GABBR2: variants seen among roughly 807,000 people sequenced by gnomAD.
GABBR2 encodes the protein G-protein coupled receptor 51.
A neutral mutation model predicts 105.6 loss-of-function variants in GABBR2; 23 were observed. The ratio of observed to expected loss-of-function variants is 0.22; its 90% CI spans 0.16 to 0.31. The LOEUF (loss-of-function observed/expected upper bound fraction) is 0.31, where lower values mean the gene tolerates loss of function less well. GABBR2 is among the 10% of genes least tolerant of loss of function. The pLI is 1.00. For synonymous variants in GABBR2, 478 were observed against 499.7 expected, an observed-to-expected ratio of 0.96 and a Z score of 0.58; for missense variants, 734 against 1,245.5, an observed-to-expected ratio of 0.59 and a Z score of 6.18.
chr9:98,629,889 C>T (rs1829793846), intron 1 of GABBR2, among the ~76,000 whole-genome samples: 1 of 152,120 alleles, frequency 6.6e-6, no homozygotes, highest in Non-Finnish European at 1.5e-5. Context: ...TAATACTGCA[C>T]CGGTATTAAG....
chr9:98,366,597 A>G (rs1333623630), intron 12 of GABBR2, among the ~76,000 whole-genome samples: 1 of 152,102 alleles, frequency 6.6e-6, no homozygotes, highest in East Asian at 1.9e-4. Flanking sequence ...AAAACTTGAG[A>G]TTTTCTGACC....
At chr9:98,476,845 G>A (rs1212421941) in intron 5 of GABBR2, among the ~76,000 whole-genome samples, 1 of 152,152 alleles carries the variant, frequency 6.6e-6, no homozygotes, top group African/African-American at 2.4e-5. Context: ...CTTTTAAACT[G>A]CTATAGACTT....
chr9:98,513,599 T>C (rs1227604862), intron 3 of GABBR2, among the ~76,000 whole-genome samples: 4 of 150,138 alleles, frequency 2.7e-5, no homozygotes, highest in Admixed American at 6.6e-5. Flanking sequence ...GGGCGAAGGA[T>C]ATGAACAGAC....
chr9:98,460,619 A>C (rs1350322068), intron 6 of GABBR2, among the ~76,000 whole-genome samples: 3 of 152,156 alleles, frequency 2.0e-5, no homozygotes, highest in Non-Finnish European at 4.4e-5. Context: ...GGAGAAAAAA[A>C]GTTTGGAAAA....
intron 2 of GABBR2, among the ~76,000 whole-genome samples, chr9:98,562,053 GA>G (rs1056808265): frequency 6.6e-6 from 1 of 152,088 alleles, no homozygotes; most frequent in Non-Finnish European, 1.5e-5. Context: ...TACAGAGGGG[GA>G]AAAATGTATA....
chr9:98,439,507 C>A (rs1825993332), intron 7 of GABBR2, among the ~76,000 whole-genome samples: 1 of 152,172 alleles, frequency 6.6e-6, no homozygotes, highest in Non-Finnish European at 1.5e-5. Flanking sequence ...TAATATCGGG[C>A]TTCTAGGTAA....
chr9:98,391,725 G>A (rs909043742), intron 9 of GABBR2, among the ~76,000 whole-genome samples: 5 of 152,166 alleles, frequency 3.3e-5, no homozygotes, highest in African/African-American at 1.2e-4. Flanking sequence ...TTAGTTGGGG[G>A]GAATCTGAGA....
chr9:98,303,326 G>A lies in GABBR2; in HGVS notation c.2327C>T (p.Ser776Leu), dbSNP rs776659980. Residue 776 changes from serine to leucine, a missense_variant, in exon 16 of 19, where the codon TCG becomes TTG. This residue lies in a region of GABBR2 where 91 missense variants were observed against 185.9 expected (regional missense o/e 0.49). Coordinates refer to ENST00000259455, the MANE Select transcript of GABBR2 (RefSeq NM_005458.8). ...QKKEDSKTST[S>L]VTSVNQASTS... ...GCTGGCTTGGTTCACACTGGTGACCGAGGTGGACGTTTTAGAATCTTCTTT... is the reference window on the plus strand; with the variant it reads ...GCTGGCTTGGTTCACACTGGTGACCAAGGTGGACGTTTTAGAATCTTCTTT... 9 of 1,613,974 alleles carry A rather than the reference G, an allele frequency of 5.6e-6. No homozygotes were observed. The highest frequency in any genetic ancestry group is 3.3e-5 in the South Asian group (3 of 91,084).
intron 14 of GABBR2, among the ~76,000 whole-genome samples, chr9:98,310,325 C>T (rs544020836): frequency 1.3e-5 from 2 of 152,086 alleles, no homozygotes; most frequent in Admixed American, 6.5e-5. Flanking sequence ...CTCGGCCCAC[C>T]GCAACCTCTG....
At chr9:98,604,864 C>T (rs528698842) in intron 1 of GABBR2, among the ~76,000 whole-genome samples, 35 of 152,178 alleles carry the variant, frequency 2.3e-4, no homozygotes, top group Non-Finnish European at 4.3e-4. Context: ...TAGTTGTTTG[C>T]GGGGCTGGTA....
chr9:98,593,164 T>C (rs1028143048), intron 1 of GABBR2, among the ~76,000 whole-genome samples: 1 of 152,098 alleles, frequency 6.6e-6, no homozygotes, highest in Non-Finnish European at 1.5e-5. Context: ...TATTTTTAAG[T>C]GTACAACTCA....
At chr9:98,450,677 G>C in intron 7 of GABBR2, among the ~76,000 whole-genome samples, 1 of 152,126 alleles carries the variant, frequency 6.6e-6, no homozygotes, top group Middle Eastern at 3.2e-3. Flanking sequence ...CATTGAATTT[G>C]AGGATATTTA....
intron 1 of GABBR2, among the ~76,000 whole-genome samples, chr9:98,628,199 A>T (rs187568624): frequency 5.9e-5 from 9 of 152,312 alleles, no homozygotes; most frequent in African/African-American, 1.9e-4. Flanking sequence ...ATTTTAGCTC[A>T]TTTATCAGAT....
At chr9:98,680,223 A>C (rs1462156295) in intron 1 of GABBR2, among the ~76,000 whole-genome samples, 3 of 152,208 alleles carry the variant, frequency 2.0e-5, no homozygotes, top group Admixed American at 2.0e-4. Flanking sequence ...TACTGCAAAA[A>C]AAAAATTATT....
chr9:98,646,606 G>A (rs535548635), intron 1 of GABBR2, among the ~76,000 whole-genome samples: 6 of 152,234 alleles, frequency 3.9e-5, no homozygotes, highest in South Asian at 2.1e-4. Flanking sequence ...GGACTCCAAC[G>A]CATCTTCAAA....
At chr9:98,508,625 A>G (rs13295966) in intron 3 of GABBR2, among the ~76,000 whole-genome samples, 20 of 151,982 alleles carry the variant, frequency 1.3e-4, no homozygotes, top group Middle Eastern at 3.4e-3. Context: ...TATCCCGCGC[A>G]TGGCTCGGAG....
intron 2 of GABBR2, among the ~76,000 whole-genome samples, chr9:98,542,952 TG>T: frequency 6.9e-6 from 1 of 145,906 alleles, no homozygotes; most frequent in Admixed American, 7.0e-5. Flanking sequence ...TTGAATTTAA[TG>T]AAGATATTTT....
chr9:98,512,499 C>T (rs10819013), intron 3 of GABBR2, among the ~76,000 whole-genome samples: 49,016 of 151,748 alleles, frequency 0.32, 8,136 homozygotes, highest in Non-Finnish European at 0.33. Flanking sequence ...GATTGTATAT[C>T]TAGAAAACCC....
rs1030330682 is a variant in GABBR2 at position 98,677,452 on chromosome 9, T to C, written c.321+30965A>G. 2.6e-5 allele frequency among the ~76,000 whole-genome samples: 4 copies of C among 152,252 alleles called. No homozygotes were observed. The East Asian group carries it at 5.8e-4, about 22-fold the overall frequency. On this transcript the variant is annotated intron_variant, in intron 1 of 18. Coordinates refer to ENST00000259455, the MANE Select transcript of GABBR2 (RefSeq NM_005458.8). ...TTTTGCTGATTTTTCAGAATTTTTT[T>C]TCTGGTCCTCATGGTGGTTATTGGC...
Sources: gnomAD v4.1 joint callset for allele counts (sites outside exome capture counted in the v4.1 genomes callset) on GRCh38, gnomAD v4.1.1 for gene constraint, gnomAD v4.1.1 regional missense constraint, MANE v1.5 for transcripts, NCBI Gene and HGNC (gene_info 2026-07-23, HGNC 2026-07-21) for gene names.